Variants in SEL1L3 observed in about 807,000 individuals in gnomAD.
SEL1L3 encodes the protein SEL1L family member 3.
SEL1L3 carries 76 observed loss-of-function variants against 142.8 expected under a neutral mutation model. The observed-to-expected ratio is 0.53, with a 90% CI of 0.44 to 0.64. The LOEUF (loss-of-function observed/expected upper bound fraction) is 0.64, where lower values mean the gene tolerates loss of function less well. Ranked by LOEUF, SEL1L3 falls within the 30% of genes least tolerant of loss-of-function variation. SEL1L3 has a pLI of 0.00. For synonymous variants in SEL1L3, 504 were observed against 519.6 expected, an observed-to-expected ratio of 0.97 and a Z score of 0.41; for missense variants, 1,262 against 1,381.7, an observed-to-expected ratio of 0.91 and a Z score of 1.37.
chr4:25,726,312 G>C, the SEL1L3 span, among the ~76,000 whole-genome samples: 1 of 151,582 alleles, frequency 6.6e-6, no homozygotes, highest in African/African-American at 2.4e-5. Flanking sequence ...GGCAGATCAC[G>C]AGGTCAGGAG....
At chr4:25,739,560 C>T in the SEL1L3 span, among the ~76,000 whole-genome samples, 19 of 152,046 alleles carry the variant, frequency 1.2e-4, no homozygotes, top group African/African-American at 4.3e-4. Flanking sequence ...CAAAAGTCAG[C>T]TGGGCATGGT....
rs543838907 is a variant in SEL1L3 at position 25,767,509 on chromosome 4, G to T, written c.2845+16C>A. 9.5e-5 allele frequency: 138 copies of T among 1,446,810 alleles called. No individual in the cohort carries two copies. In the African/African-American group the frequency reaches 1.6e-3, roughly 16 times the overall value. The allele number at this position is 1,446,810 out of a possible 1,614,324, so 89.6% of individuals were successfully genotyped here. A position where few individuals can be genotyped will look rare whatever the true frequency, so the allele number is the denominator to read the frequency against. ...ACACCTAATGCTTCAATTTTGCACC[G>T]TTTTTCTATACATACCAAAGGAAGG... On this transcript the variant is annotated intron_variant, in intron 19 of 23. Transcript: ENST00000399878.
At chr4:25,777,168 C>A (rs909652767) in intron 16 of SEL1L3, among the ~76,000 whole-genome samples, 1 of 151,916 alleles carries the variant, frequency 6.6e-6, no homozygotes, top group African/African-American at 2.4e-5. Flanking sequence ...ATCATACAAA[C>A]TCTAACATTA....
chr4:25,728,758 G>A, the SEL1L3 span, among the ~76,000 whole-genome samples: 1 of 151,264 alleles, frequency 6.6e-6, no homozygotes. Context: ...AAAACCCCGT[G>A]TCTACTTGGG....
In SEL1L3 at chr4:25,785,853, G is replaced by A. The variant is rs894149064; in HGVS notation, c.2218-1563C>T. 2.6e-5 allele frequency among the ~76,000 whole-genome samples: 4 copies of A among 152,144 alleles called. No individual in the cohort carries two copies. The South Asian group carries it at 6.2e-4, about 24-fold the overall frequency. ...CTTTTTTGTTTTGAAGAAATAAAAC[G>A]GGGGCCCAGAGCAGTTGACTTAGCT... On this transcript the variant is annotated intron_variant, in intron 13 of 23. Coordinates refer to ENST00000399878, the MANE Select transcript of SEL1L3 (RefSeq NM_015187.5).
At chr4:25,819,669 G>T in intron 8 of SEL1L3, 139 bp downstream of exon 8, 1 of 695,484 alleles carries the variant, frequency 1.4e-6, no homozygotes, top group Non-Finnish European at 2.3e-6. Context: ...CCAGTGGAGG[G>T]CTCAAGGTCA....
chr4:25,859,401 C>T (rs879195026), intron 1 of SEL1L3, among the ~76,000 whole-genome samples: 9 of 152,322 alleles, frequency 5.9e-5, no homozygotes, highest in Admixed American at 4.6e-4. Context: ...GCCCTCATCA[C>T]AATTATTCAT....
chr4:25,816,637 C>T (rs1176474575), intron 9 of SEL1L3, among the ~76,000 whole-genome samples: 1 of 152,136 alleles, frequency 6.6e-6, no homozygotes, highest in Admixed American at 6.6e-5. Context: ...CCTCAAAATC[C>T]CAGATCTCAC....
At chr4:25,786,612 A>T (rs1711858348) in intron 13 of SEL1L3, among the ~76,000 whole-genome samples, 3 of 152,064 alleles carry the variant, frequency 2.0e-5, no homozygotes, top group South Asian at 4.2e-4. Flanking sequence ...GTGCTTATTG[A>T]TCTAGGTCCT....
At chr4:25,793,050 C>G (rs1332925656) in intron 11 of SEL1L3, among the ~76,000 whole-genome samples, 2 of 152,188 alleles carry the variant, frequency 1.3e-5, no homozygotes, top group African/African-American at 4.8e-5. Flanking sequence ...ATTGACTCAT[C>G]AAATCTTTGC....
chr4:25,826,025 C>A (rs1052761373), intron 6 of SEL1L3, among the ~76,000 whole-genome samples: 5 of 152,136 alleles, frequency 3.3e-5, no homozygotes, highest in Non-Finnish European at 7.4e-5. Context: ...TTATCCATTT[C>A]TTTCCTAGCA....
chr4:25,782,126 C>T (rs1720041648), intron 15 of SEL1L3, 116 bp downstream of exon 15: 2 of 894,360 alleles, frequency 2.2e-6, no homozygotes, highest in Admixed American at 2.3e-5. Context: ...CCTCTGAGCT[C>T]CTCGAGGACA....
chr4:25,767,391 A>G (rs1718818466), intron 19 of SEL1L3, 134 bp downstream of exon 19: 1 of 643,746 alleles, frequency 1.6e-6, no homozygotes, highest in Admixed American at 2.7e-5. Flanking sequence ...AGCGATCTTA[A>G]TAGCAGAGAT....
intron 23 of SEL1L3, among the ~76,000 whole-genome samples, chr4:25,752,612 A>G (rs756767002): frequency 1.3e-5 from 2 of 152,070 alleles, no homozygotes; most frequent in East Asian, 3.9e-4. Context: ...ACTACCAGCT[A>G]ACATTTGTGG....
chr4:25,734,548 G>A, the SEL1L3 span, among the ~76,000 whole-genome samples: 9 of 151,596 alleles, frequency 5.9e-5, no homozygotes, highest in South Asian at 1.7e-3. Context: ...GTTTCAATTC[G>A]GTAATATTTG....
At chr4:25,772,356 G>A (rs62411792) in intron 17 of SEL1L3, among the ~76,000 whole-genome samples, 9,378 of 152,104 alleles carry the variant, frequency 0.062, 367 homozygotes, top group Middle Eastern at 0.088. Flanking sequence ...GCAAAGATAT[G>A]GAGAAATAGA....
At chr4:25,858,797 G>A (rs1289779404) in intron 1 of SEL1L3, among the ~76,000 whole-genome samples, 3 of 152,118 alleles carry the variant, frequency 2.0e-5, no homozygotes, top group African/African-American at 2.4e-5. Context: ...TGTTGGCCAG[G>A]ATGGTCTCGA....
intron 2 of SEL1L3, among the ~76,000 whole-genome samples, chr4:25,843,092 G>A (rs142773048): frequency 7.9e-5 from 12 of 152,258 alleles, no homozygotes; most frequent in African/African-American, 2.9e-4. Context: ...AGAAGCAAGC[G>A]GGCCCCTGTG....
At chr4:25,840,877 T>A (rs143920923) in intron 2 of SEL1L3, among the ~76,000 whole-genome samples, 1 of 152,322 alleles carries the variant, frequency 6.6e-6, no homozygotes, top group African/African-American at 2.4e-5. Context: ...CAAGCTAGCC[T>A]GTGAGATGAA....
Sources: allele counts gnomAD v4.1 joint callset (sites outside exome capture counted in the v4.1 genomes callset), GRCh38; gene constraint gnomAD v4.1.1; transcripts MANE v1.5; gene names NCBI Gene and HGNC (gene_info 2026-07-23, HGNC 2026-07-21).